GNG4: variants seen among roughly 807,000 people sequenced by gnomAD.
The protein encoded by GNG4 is guanine nucleotide-binding protein G(I)/G(S)/G(O) subunit gamma-4.
In GNG4, 4 loss-of-function variants were observed where a neutral mutation model predicts 5.8. The ratio of observed to expected loss-of-function variants is 0.69; its 90% CI spans 0.34 to 1.57. The LOEUF (loss-of-function observed/expected upper bound fraction) is 1.57, where lower values mean the gene tolerates loss of function less well. Among genes scored for constraint, GNG4 ranks in the 40% most tolerant of loss-of-function variants. The pLI is 0.06. For missense variants in GNG4, 96 were observed against 95.1 expected (o/e 1.01, Z -0.04); for synonymous variants, 29 against 32.9 (o/e 0.88, Z 0.41).
At chr1:235,620,137 G>A (rs1571917094) in intron 1 of GNG4, among the ~76,000 whole-genome samples, 1 of 152,332 alleles carries the variant, frequency 6.6e-6, no homozygotes, top group Non-Finnish European at 1.5e-5. Context: ...GCTGAGGTGG[G>A]TGGATCACCT....
intron 1 of GNG4, among the ~76,000 whole-genome samples, chr1:235,637,108 T>C (rs1571926397): frequency 6.6e-6 from 1 of 151,016 alleles, no homozygotes; most frequent in South Asian, 2.1e-4. Context: ...AAAGATCAAG[T>C]GGACAGGGTA....
At chr1:235,559,608 G>A (rs1345698439) in intron 3 of GNG4, among the ~76,000 whole-genome samples, 3 of 152,184 alleles carry the variant, frequency 2.0e-5, no homozygotes, top group Non-Finnish European at 2.9e-5. Context: ...AGAGGCTTCC[G>A]CCCTGTGGGT....
At chr1:235,610,864 C>G (rs1688462798) in intron 1 of GNG4, among the ~76,000 whole-genome samples, 1 of 152,160 alleles carries the variant, frequency 6.6e-6, no homozygotes, top group South Asian at 2.1e-4. Flanking sequence ...GAGGGCGGAT[C>G]ACCTGAGGTC....
At chr1:235,560,754 A>T (rs1022675787) in intron 3 of GNG4, among the ~76,000 whole-genome samples, 2 of 152,326 alleles carry the variant, frequency 1.3e-5, no homozygotes, top group East Asian at 3.9e-4. Flanking sequence ...TTCTTCTTCT[A>T]CTACTCATGT....
chr1:235,592,673 T>C (rs960844009), intron 2 of GNG4, among the ~76,000 whole-genome samples: 1 of 152,182 alleles, frequency 6.6e-6, no homozygotes, highest in Non-Finnish European at 1.5e-5. Context: ...CTGTAACCCC[T>C]GGCTTGAAGA....
At chr1:235,613,721 G>A (rs1344529936) in intron 1 of GNG4, among the ~76,000 whole-genome samples, 1 of 152,198 alleles carries the variant, frequency 6.6e-6, no homozygotes, top group Non-Finnish European at 1.5e-5. Flanking sequence ...TTGGACTTCT[G>A]ACCTCTAGAA....
chr1:235,610,710 G>C (rs1006701667), intron 1 of GNG4, among the ~76,000 whole-genome samples: 7 of 152,108 alleles, frequency 4.6e-5, no homozygotes, highest in Non-Finnish European at 7.4e-5. Flanking sequence ...CTAGAAAAAG[G>C]CTCCTGTTTC....
At position 235,605,962 on chromosome 1, in the gene GNG4, G is replaced by GA. The variant is rs77540275; in HGVS notation, c.-122-10452_-122-10451insT. On this transcript the variant is annotated intron_variant, in intron 1 of 3. Coordinates refer to ENST00000391854, the MANE Select transcript of GNG4 (RefSeq NM_001098722.2). ...TTTTTTTGATTGAGAGTGTGGGGGGGTGGGTCTCACTGTGTTGCCCAGGCT... is the reference window on the plus strand; with the variant it reads ...TTTTTTTGATTGAGAGTGTGGGGGGGATGGGTCTCACTGTGTTGCCCAGGCT... Among the ~76,000 whole-genome samples, 8 of 147,182 alleles carry GA rather than the reference G, an allele frequency of 5.4e-5. No homozygotes were observed. In the South Asian group the frequency reaches 6.6e-4, roughly 12 times the overall value.
intron 2 of GNG4, among the ~76,000 whole-genome samples, chr1:235,590,236 C>T (rs1040060157): frequency 1.3e-5 from 2 of 151,988 alleles, no homozygotes; most frequent in East Asian, 3.9e-4. Flanking sequence ...GGGTGGATCA[C>T]CTGAGGTTAG....
At chr1:235,605,697 C>A (rs1308937004) in intron 1 of GNG4, among the ~76,000 whole-genome samples, 1 of 152,026 alleles carries the variant, frequency 6.6e-6, no homozygotes, top group Non-Finnish European at 1.5e-5. Context: ...GAGTTCCAGG[C>A]AGAAGTCCCA....
At chr1:235,558,456 C>G (rs757957908) in intron 3 of GNG4, among the ~76,000 whole-genome samples, 4 of 152,086 alleles carry the variant, frequency 2.6e-5, no homozygotes, top group South Asian at 2.1e-4. Context: ...AGGTAATGAC[C>G]GTCTAAATGA....
intron 1 of GNG4, among the ~76,000 whole-genome samples, chr1:235,645,756 C>A (rs1193716421): frequency 7.2e-6 from 1 of 139,560 alleles, no homozygotes; most frequent in Non-Finnish European, 1.5e-5. Context: ...AAGATCGTGC[C>A]ATTGCTCTCC....
At chr1:235,637,057 CAA>C (rs61512163) in intron 1 of GNG4, among the ~76,000 whole-genome samples, 72,729 of 134,196 alleles carry the variant, frequency 0.54, 20,045 homozygotes, top group East Asian at 0.74. Context: ...GACTCCGTCT[CAA>C]AAAAAAAAAA....
At chr1:235,552,981 A>T (rs1686792698) in intron 3 of GNG4, among the ~76,000 whole-genome samples, 1 of 151,792 alleles carries the variant, frequency 6.6e-6, no homozygotes, top group Non-Finnish European at 1.5e-5. Context: ...CTGGTCTCAA[A>T]CTCCTGACCT....
rs531605052 is a variant in GNG4 at position 235,611,066 on chromosome 1, C to T, written c.-122-15555G>A. 5.9e-5 allele frequency among the ~76,000 whole-genome samples: 9 copies of T among 152,078 alleles called. No homozygotes were observed. The South Asian group carries it at 8.3e-4, about 14-fold the overall frequency. On this transcript the variant is annotated intron_variant, in intron 1 of 3. Coordinates refer to ENST00000391854, the MANE Select transcript of GNG4 (RefSeq NM_001098722.2). ...TAGTGCCACTGCAATCCAGCCTGGG[C>T]GGCAGAGCGAGACTTCATCTCAAAG...
intron 1 of GNG4, among the ~76,000 whole-genome samples, chr1:235,608,770 G>A (rs1231721632): frequency 1.3e-5 from 2 of 150,626 alleles, no homozygotes; most frequent in East Asian, 1.9e-4. Context: ...TGCAACCTCC[G>A]CCTCCCGAGT....
At chr1:235,594,210 T>A (rs922722160) in intron 2 of GNG4, among the ~76,000 whole-genome samples, 5 of 152,200 alleles carry the variant, frequency 3.3e-5, no homozygotes, top group Admixed American at 6.5e-5. Context: ...GATTGATGCA[T>A]TCACAAACCC....
intron 1 of GNG4, among the ~76,000 whole-genome samples, chr1:235,647,156 T>C (rs537623693): frequency 6.6e-6 from 1 of 152,324 alleles, no homozygotes; most frequent in African/African-American, 2.4e-5. Context: ...AGTTAAATTT[T>C]GGTTTCTGGT....
intron 1 of GNG4, among the ~76,000 whole-genome samples, chr1:235,640,954 T>G (rs567960097): frequency 6.6e-6 from 1 of 152,386 alleles, no homozygotes; most frequent in East Asian, 1.9e-4. Context: ...CGTGTCATTT[T>G]GCAAAAAGAA....
Sources: gnomAD v4.1 joint callset for allele counts (sites outside exome capture counted in the v4.1 genomes callset) on GRCh38, gnomAD v4.1.1 for gene constraint, MANE v1.5 for transcripts, NCBI Gene and HGNC (gene_info 2026-07-23, HGNC 2026-07-21) for gene names.